MYO10: variants seen among roughly 807,000 people sequenced by gnomAD.
The protein encoded by MYO10 is myosin X.
A neutral mutation model predicts 257.3 loss-of-function variants in MYO10; 133 were observed. That is an observed-to-expected ratio of 0.52 (90% CI 0.45 to 0.60). MYO10 has a LOEUF of 0.60. MYO10 is among the 20% of genes least tolerant of loss of function. MYO10 has a pLI of 0.00. For missense variants in MYO10, 2,399 were observed against 2,635.7 expected, an observed-to-expected ratio of 0.91 and a Z score of 1.97; for synonymous variants, 1,104 against 1,028.6, an observed-to-expected ratio of 1.07 and a Z score of -1.40.
Position 16,891,211 on chromosome 5 carries a change from C to G in MYO10, c.22-13504G>C, listed in dbSNP as rs568549499. 5.3e-5 allele frequency among the ~76,000 whole-genome samples: 8 copies of G among 151,794 alleles called. No individual in the cohort carries two copies. In the East Asian group the frequency reaches 1.6e-3, roughly 29 times the overall value. Reference sequence around the variant, plus strand: ...CTGAGGCAGGAGAATTGCTTGAACTCTTGAACTCAGGAGGCAGAGGTTGCA... The same window carrying G: ...CTGAGGCAGGAGAATTGCTTGAACTGTTGAACTCAGGAGGCAGAGGTTGCA... On this transcript the variant is annotated intron_variant, in intron 1 of 40. Transcript: ENST00000513610.
chr5:16,715,687 T>C (rs576924186), intron 19 of MYO10, among the ~76,000 whole-genome samples: 1 of 152,202 alleles, frequency 6.6e-6, no homozygotes, highest in Non-Finnish European at 1.5e-5. Flanking sequence ...TAAAACTCAC[T>C]GAATTGCAGA....
chr5:16,750,317 A>G (rs1435797980), intron 19 of MYO10, among the ~76,000 whole-genome samples: 1 of 152,208 alleles, frequency 6.6e-6, no homozygotes, highest in Non-Finnish European at 1.5e-5. Flanking sequence ...ACATATTGTG[A>G]CAGCCGAATT....
intron 21 of MYO10, among the ~76,000 whole-genome samples, chr5:16,710,241 G>A (rs1323221523): frequency 6.6e-6 from 1 of 152,144 alleles, no homozygotes; most frequent in African/African-American, 2.4e-5. Flanking sequence ...CATTGAAGGT[G>A]GGTGGGGAAT....
At chr5:16,718,791 A>G (rs1221466358) in intron 19 of MYO10, among the ~76,000 whole-genome samples, 1 of 152,044 alleles carries the variant, frequency 6.6e-6, no homozygotes, top group South Asian at 2.1e-4. Flanking sequence ...TTGTGAGTAC[A>G]CCAATCAACA....
intron 19 of MYO10, among the ~76,000 whole-genome samples, chr5:16,738,727 C>T (rs1056794699): frequency 1.3e-5 from 2 of 151,900 alleles, no homozygotes; most frequent in East Asian, 3.9e-4. Context: ...CCTGTCTCTA[C>T]TAAAAATGCA....
chr5:16,792,164 G>GACA (rs1741785034), intron 4 of MYO10, among the ~76,000 whole-genome samples: 21 of 147,114 alleles, frequency 1.4e-4, no homozygotes, highest in African/African-American at 5.4e-4. Context: ...GAGAGAGAGA[G>GACA]GGAGAGACAG....
intron 21 of MYO10, chr5:16,710,583 G>A: frequency 3.1e-6 from 1 of 321,818 alleles, no homozygotes; most frequent in Non-Finnish European, 5.9e-6. Flanking sequence ...GTAGACACTG[G>A]GGGCTGCCTC....
intron 9 of MYO10, among the ~76,000 whole-genome samples, chr5:16,777,461 C>G (rs1388280175): frequency 6.6e-6 from 1 of 152,182 alleles, no homozygotes; most frequent in Non-Finnish European, 1.5e-5. Context: ...ATTCCACAGA[C>G]AGTTGTAACA....
At chr5:16,676,702 C>A (rs751772854) in intron 33 of MYO10, among the ~76,000 whole-genome samples, 4 of 152,028 alleles carry the variant, frequency 2.6e-5, no homozygotes, top group Non-Finnish European at 4.4e-5. Flanking sequence ...GCTGACAGAG[C>A]GAGACTCCGT....
chr5:16,887,658 T>C (rs979950509), intron 1 of MYO10, among the ~76,000 whole-genome samples: 14 of 152,072 alleles, frequency 9.2e-5, no homozygotes, highest in Non-Finnish European at 1.9e-4. Context: ...ACTGGGCTAA[T>C]TTTTGTATTT....
At chr5:16,711,066 C>G in intron 20 of MYO10, 44 bp from the exon 21 acceptor site, 2 of 1,612,740 alleles carry the variant, frequency 1.2e-6, no homozygotes, top group Non-Finnish European at 1.7e-6. Flanking sequence ...CGATGGTTCC[C>G]TGTTTTCTCC....
At chr5:16,781,675 CT>C in intron 6 of MYO10, 29 bp downstream of exon 6, 1 of 1,595,636 alleles carries the variant, frequency 6.3e-7, no homozygotes, top group South Asian at 1.1e-5. Context: ...GAATCAATTA[CT>C]ATAGATAAAA....
At chr5:16,864,148 AT>A (rs34764765) in intron 2 of MYO10, among the ~76,000 whole-genome samples, 52,579 of 134,256 alleles carry the variant, frequency 0.39, 9,150 homozygotes, top group Non-Finnish European at 0.43. Flanking sequence ...CTATGTGGCT[AT>A]TTTTTTTTTT....
chr5:16,921,700 C>T (rs1296877752), intron 1 of MYO10, among the ~76,000 whole-genome samples: 1 of 151,644 alleles, frequency 6.6e-6, no homozygotes, highest in Non-Finnish European at 1.5e-5. Flanking sequence ...CAAGTTTCAT[C>T]TGTGGCCTTA....
At chr5:16,909,175 G>A (rs1040051486) in intron 1 of MYO10, among the ~76,000 whole-genome samples, 5 of 152,172 alleles carry the variant, frequency 3.3e-5, no homozygotes, top group African/African-American at 1.2e-4. Context: ...TTACATGGTG[G>A]CAGGTAAGAG....
intron 1 of MYO10, among the ~76,000 whole-genome samples, chr5:16,933,240 G>A (rs1213623780): frequency 6.6e-6 from 1 of 152,088 alleles, no homozygotes; most frequent in East Asian, 1.9e-4. Context: ...TGGGGGATAG[G>A]GTTAACAATT....
intron 19 of MYO10, chr5:16,742,284 T>G: frequency 2.0e-6 from 2 of 977,450 alleles, no homozygotes; most frequent in Non-Finnish European, 2.4e-6. Flanking sequence ...CTCTGATGAA[T>G]AGTTTCCATG....
intron 2 of MYO10, among the ~76,000 whole-genome samples, chr5:16,844,414 AT>A (rs369217119): frequency 1.2e-4 from 17 of 146,608 alleles, no homozygotes; most frequent in African/African-American, 1.5e-4. Context: ...TTCTCTTTTC[AT>A]TTTTTTTTTA....
At chr5:16,750,034 C>T (rs1206818243) in intron 19 of MYO10, among the ~76,000 whole-genome samples, 1 of 152,096 alleles carries the variant, frequency 6.6e-6, no homozygotes, top group Non-Finnish European at 1.5e-5. Flanking sequence ...GGTACCACCG[C>T]CACCGCCCAA....
Sources: allele counts gnomAD v4.1 joint callset (sites outside exome capture counted in the v4.1 genomes callset), GRCh38; gene constraint gnomAD v4.1.1; transcripts MANE v1.5; gene names NCBI Gene and HGNC (gene_info 2026-07-23, HGNC 2026-07-21).